Variants in KIRREL3 observed in about 807,000 individuals in gnomAD.
KIRREL3 encodes kirre like nephrin family adhesion molecule 3.
KIRREL3 carries 36 observed loss-of-function variants against 89.7 expected under a neutral mutation model. That is an observed-to-expected ratio of 0.40 (90% CI 0.31 to 0.53). The LOEUF is 0.53. Among genes scored for constraint, KIRREL3 ranks in the 20% least tolerant of loss-of-function variants. KIRREL3 has a pLI of 0.49. For synonymous variants in KIRREL3, 445 were observed against 441.4 expected (o/e 1.01, Z -0.10); for missense variants, 864 against 1,056.6 (o/e 0.82, Z 2.53).
chr11:126,799,693 G>A (rs574534461), intron 1 of KIRREL3, among the ~76,000 whole-genome samples: 1 of 152,176 alleles, frequency 6.6e-6, no homozygotes, highest in African/African-American at 2.4e-5. Flanking sequence ...GGAGGAGCCG[G>A]GAGAACCAGA....
intron 12 of KIRREL3, among the ~76,000 whole-genome samples, chr11:126,435,511 G>C (rs1251226677): frequency 6.9e-6 from 1 of 145,270 alleles, no homozygotes; most frequent in Admixed American, 6.9e-5. Flanking sequence ...AGGGACCGGA[G>C]AGAGATCACG....
In KIRREL3 at chr11:126,860,199, G is replaced by T. The variant is rs1402106098; in HGVS notation, c.55+140256C>A. Among the ~76,000 whole-genome samples, 1 of 152,170 alleles carries T rather than the reference G, an allele frequency of 6.6e-6. No homozygotes were observed. The highest frequency in any genetic ancestry group is 1.5e-5 in the Non-Finnish European group (1 of 68,044). On this transcript the variant is annotated intron_variant, in intron 1 of 16. Transcript: ENST00000525144. The surrounding 1 kb of genome is among the most constrained non-coding windows in gnomAD (Gnocchi z 4.6). ...AACGAGCATTTGTGATGTGCCCGTT[G>T]CTGGTACTTGGTGCTGGGAATATAA...
At chr11:126,690,887 T>C (rs1946852427) in intron 1 of KIRREL3, among the ~76,000 whole-genome samples, 1 of 152,240 alleles carries the variant, frequency 6.6e-6, no homozygotes, top group Non-Finnish European at 1.5e-5. Context: ...AGTTGTGCTC[T>C]TGTATATGCT....
chr11:126,492,104 C>T lies in KIRREL3; in HGVS notation c.434-18638G>A, dbSNP rs529898407. On this transcript the variant is annotated intron_variant, in intron 4 of 16. Coordinates refer to ENST00000525144, the MANE Select transcript of KIRREL3 (RefSeq NM_032531.4). This position sits in a 1 kb window ranked among gnomAD's most constrained non-coding sequence, Gnocchi z 4.8. ...CATCCTTGCTTACCTCAGTTTCCTC[C>T]GGGCTTATAAAATGGACAAAAGGAT... is the stretch of plus-strand genomic sequence containing the variant. 1.1e-4 allele frequency among the ~76,000 whole-genome samples: 16 copies of T among 152,264 alleles called. No individual in the cohort carries two copies. Among genetic ancestry groups the T allele is most frequent in the East Asian group, 7.7e-4 (4 of 5,192 alleles).
chr11:126,602,103 C>T (rs146723471), intron 1 of KIRREL3, among the ~76,000 whole-genome samples: 51 of 152,272 alleles, frequency 3.3e-4, no homozygotes, highest in Non-Finnish European at 5.6e-4. Context: ...CCTCCTTTCT[C>T]GCAAAACAAA....
chr11:126,480,781 G>A (rs942367862), intron 4 of KIRREL3, among the ~76,000 whole-genome samples: 1 of 152,230 alleles, frequency 6.6e-6, no homozygotes, highest in Admixed American at 6.5e-5. Flanking sequence ...GTGCTTTGGC[G>A]ATGTCTGCTA....
rs1432239416 is a variant in KIRREL3, at chr11:126,491,153, G to A, written c.434-17687C>T. Among the ~76,000 whole-genome samples, 1 of 152,194 alleles carries A rather than the reference G, an allele frequency of 6.6e-6. No individual in the cohort carries two copies. Among genetic ancestry groups the A allele is most frequent in the Admixed American group, 6.5e-5 (1 of 15,280 alleles). The stretch of plus-strand genomic sequence containing the variant: ...CTCCAGGCCACCACTTTCTACCTGC[G>A]TGGACTCTGGCGAGTTGCACCTCCC... On this transcript the variant is annotated intron_variant, in intron 4 of 16. Transcript: ENST00000525144. The surrounding 1 kb of genome is among the most constrained non-coding windows in gnomAD (Gnocchi z 5.5).
At position 126,526,521 on chromosome 11, in the gene KIRREL3, G is replaced by T. The variant is rs542609761; in HGVS notation, c.283+17C>A. ...TGATGGCCCCAGGCCCACCCCAGGAGGTCTGGAGGTACTCACTTGAGAGGT... is the reference window on the plus strand; with the variant it reads ...TGATGGCCCCAGGCCCACCCCAGGATGTCTGGAGGTACTCACTTGAGAGGT... On this transcript the variant is annotated intron_variant, in intron 3 of 16. Transcript: ENST00000525144. The surrounding 1 kb of genome is among the most constrained non-coding windows in gnomAD (Gnocchi z 5.7). 1.2e-6 allele frequency: 2 copies of T among 1,607,030 alleles called. No individual in the cohort carries two copies. Among genetic ancestry groups the T allele is most frequent in the East Asian group, 4.5e-5 (2 of 44,664 alleles).
intron 1 of KIRREL3, among the ~76,000 whole-genome samples, chr11:126,692,850 G>A (rs1310298890): frequency 6.6e-6 from 1 of 152,108 alleles, no homozygotes; most frequent in Non-Finnish European, 1.5e-5. Flanking sequence ...ACCCCTCCTT[G>A]GATCTACCCG....
Position 126,866,252 on chromosome 11 carries a change from G to C in KIRREL3, c.55+134203C>G, listed in dbSNP as rs1319611103. 3.3e-5 allele frequency among the ~76,000 whole-genome samples: 5 copies of C among 152,232 alleles called. No individual in the cohort carries two copies. The East Asian group carries it at 9.6e-4, about 29-fold the overall frequency. On this transcript the variant is annotated intron_variant, in intron 1 of 16. Coordinates refer to ENST00000525144, the MANE Select transcript of KIRREL3 (RefSeq NM_032531.4). ...AGTTAGGAAGAAAGAGGATAGGAAA[G>C]TGGTTGATGTCTTGCAGGGAGATGC...
Position 126,571,018 on chromosome 11 carries a change from G to A in KIRREL3, c.56-8106C>T, listed in dbSNP as rs1015371960. Among the ~76,000 whole-genome samples, 1 of 152,186 alleles carries A rather than the reference G, an allele frequency of 6.6e-6. No individual in the cohort carries two copies. Among genetic ancestry groups the A allele is most frequent in the Non-Finnish European group, 1.5e-5 (1 of 68,040 alleles). ...TTTAGCGAGAGATTGACACTTTAGA[G>A]GAGTGAGGAGTTTGTCCTGAGTCCC... On this transcript the variant is annotated intron_variant, in intron 1 of 16. Transcript: ENST00000525144. This position sits in a 1 kb window ranked among gnomAD's most constrained non-coding sequence, Gnocchi z 7.7.
intron 1 of KIRREL3, among the ~76,000 whole-genome samples, chr11:126,853,544 A>C (rs527967031): frequency 6.6e-6 from 1 of 152,138 alleles, no homozygotes; most frequent in Non-Finnish European, 1.5e-5. Context: ...TGTCAATTTT[A>C]CTTATTACTG....
intron 10 of KIRREL3, chr11:126,440,759 C>T (rs1209980952): frequency 4.9e-6 from 3 of 609,242 alleles, no homozygotes; most frequent in African/African-American, 3.7e-5. Flanking sequence ...TGAGCGAATG[C>T]TTCTAAGTCA....
chr11:126,599,707 A>G (rs1942561234), intron 1 of KIRREL3, among the ~76,000 whole-genome samples: 1 of 152,192 alleles, frequency 6.6e-6, no homozygotes, highest in South Asian at 2.1e-4. Context: ...AGGCTTCTCC[A>G]GAAACTCCCT....
At chr11:126,514,423 T>C (rs1958336676) in intron 4 of KIRREL3, among the ~76,000 whole-genome samples, 1 of 152,158 alleles carries the variant, frequency 6.6e-6, no homozygotes, top group East Asian at 1.9e-4. Context: ...AGGAATCATA[T>C]CTTCCTGCCT....
At chr11:126,552,733 T>C (rs1939385487) in intron 2 of KIRREL3, among the ~76,000 whole-genome samples, 1 of 151,878 alleles carries the variant, frequency 6.6e-6, no homozygotes, top group Non-Finnish European at 1.5e-5. Context: ...GCTAATTTTT[T>C]TGTATTTTTA....
At chr11:126,667,115 A>C (rs1372387321) in intron 1 of KIRREL3, among the ~76,000 whole-genome samples, 1 of 152,262 alleles carries the variant, frequency 6.6e-6, no homozygotes, top group African/African-American at 2.4e-5. Context: ...CTACTCCATG[A>C]TGGAGGACAA....
At chr11:126,451,437 TG>T (rs1194863970) in intron 7 of KIRREL3, among the ~76,000 whole-genome samples, 1 of 151,010 alleles carries the variant, frequency 6.6e-6, no homozygotes, top group Non-Finnish European at 1.5e-5. Context: ...CGTGTGCATG[TG>T]TGTGTCCAAG....
rs1946789875 is a variant in KIRREL3 at position 126,689,296 on chromosome 11, T to C, written c.56-126384A>G. Among the ~76,000 whole-genome samples the C allele has an allele frequency of 6.6e-6, 1 of 152,138 alleles. No homozygotes were observed. The highest frequency in any genetic ancestry group is 6.5e-5 in the Admixed American group (1 of 15,272). On this transcript the variant is annotated intron_variant, in intron 1 of 16. Coordinates refer to ENST00000525144, the MANE Select transcript of KIRREL3 (RefSeq NM_032531.4). This position sits in a 1 kb window ranked among gnomAD's most constrained non-coding sequence, Gnocchi z 5.2. Reference sequence around the variant, plus strand: ...AGATTTGGTATTGGAATTTGTCCCATCTCGACTTGGAAGAATGAGACACCT... The same window carrying C: ...AGATTTGGTATTGGAATTTGTCCCACCTCGACTTGGAAGAATGAGACACCT...
Sources: allele counts gnomAD v4.1 joint callset (sites outside exome capture counted in the v4.1 genomes callset), GRCh38; gene constraint gnomAD v4.1.1; non-coding constraint Gnocchi (gnomAD v3.1); transcripts MANE v1.5; gene names NCBI Gene and HGNC (gene_info 2026-07-23, HGNC 2026-07-21).